SLC16A7: variants seen among roughly 807,000 people sequenced by gnomAD.
The protein encoded by SLC16A7 is solute carrier family 16 member 7, also known as monocarboxylate transporter 2.
In SLC16A7, 33 loss-of-function variants were observed where a neutral mutation model predicts 34.9. The ratio of observed to expected loss-of-function variants is 0.94; its 90% CI spans 0.72 to 1.26. The LOEUF (loss-of-function observed/expected upper bound fraction) is 1.26. Among genes scored for constraint, SLC16A7 ranks in the 50% most tolerant of loss-of-function variants. SLC16A7 has a pLI of 0.00. For missense variants in SLC16A7, 573 were observed against 578.1 expected (o/e 0.99, Z 0.09); for synonymous variants, 201 against 206.6 (o/e 0.97, Z 0.23).
intron 2 of SLC16A7, among the ~76,000 whole-genome samples, chr12:59,691,930 A>G (rs189838248): frequency 2.0e-5 from 3 of 152,138 alleles, no homozygotes; most frequent in African/African-American, 4.8e-5. Context: ...AATGGCTTTT[A>G]TAAATGAGTC....
chr12:59,609,243 T>C (rs918336399), intron 1 of SLC16A7, among the ~76,000 whole-genome samples: 1 of 152,200 alleles, frequency 6.6e-6, no homozygotes, highest in African/African-American at 2.4e-5. Flanking sequence ...GGGAATTCAA[T>C]AGGCTTGAAG....
At chr12:59,699,093 C>T (rs1230093479) in intron 2 of SLC16A7, among the ~76,000 whole-genome samples, 1 of 151,460 alleles carries the variant, frequency 6.6e-6, no homozygotes, top group Non-Finnish European at 1.5e-5. Flanking sequence ...TTTTTCTTTA[C>T]GTATTTTTTT....
chr12:59,612,328 G>A (rs941961558), intron 1 of SLC16A7, among the ~76,000 whole-genome samples: 2 of 152,174 alleles, frequency 1.3e-5, no homozygotes, highest in African/African-American at 4.8e-5. Context: ...GGCTTGAGCT[G>A]TAACTTGACC....
chr12:59,651,787 T>C (rs1456618214), intron 1 of SLC16A7, among the ~76,000 whole-genome samples: 1 of 152,152 alleles, frequency 6.6e-6, no homozygotes, highest in Non-Finnish European at 1.5e-5. Flanking sequence ...CACTCTAAGT[T>C]CTCCATTTAT....
At chr12:59,612,338 C>A (rs1485976827) in intron 1 of SLC16A7, among the ~76,000 whole-genome samples, 1 of 152,132 alleles carries the variant, frequency 6.6e-6, no homozygotes, top group Non-Finnish European at 1.5e-5. Flanking sequence ...GTAACTTGAC[C>A]CCTTTTAGCG....
chr12:59,696,029 T>C (rs1385156676), intron 2 of SLC16A7, among the ~76,000 whole-genome samples: 2 of 151,904 alleles, frequency 1.3e-5, no homozygotes, highest in Non-Finnish European at 1.5e-5. Flanking sequence ...TCAGTGGATA[T>C]TTAATTTATT....
rs1386262965 is a variant in SLC16A7, at chr12:59,774,899, C to G, written c.604C>G (p.Gln202Glu). The G allele has an allele frequency of 1.9e-6, 3 of 1,613,780 alleles. No homozygotes were observed. The highest frequency in any genetic ancestry group is 2.5e-6 in the Non-Finnish European group (3 of 1,179,922). Residue 202 changes from glutamine to glutamate, a missense_variant, in exon 5 of 6, where the codon CAA becomes GAA. Gln to Glu is a conservative substitution (Grantham distance 29, BLOSUM62 2). Coordinates refer to ENST00000547379, the MANE Select transcript of SLC16A7 (RefSeq NM_001270623.2). The stretch of plus-strand genomic sequence containing the variant: ...CCTCATGAGACCCCTTGGACCCAAT[C>G]AAACCACTTCTAAGTCTAAAAATAA... ...GSLMRPLGPN[Q>E]TTSKSKNKTG...
Position 59,745,600 on chromosome 12 carries a change from A to C in SLC16A7, c.218-25619A>C, listed in dbSNP as rs569047437. Among the ~76,000 whole-genome samples, 50 of 152,338 alleles carry C rather than the reference A, an allele frequency of 3.3e-4. 5 individuals carry two copies. The highest frequency in any genetic ancestry group is 1.1e-3 in the African/African-American group (47 of 41,596). ...TTCACATTCTACCTCAGGAGACAGAAGTATCAGAATCAAAGTAACATGCCA... is the reference window on the plus strand; with the variant it reads ...TTCACATTCTACCTCAGGAGACAGACGTATCAGAATCAAAGTAACATGCCA... On this transcript the variant is annotated intron_variant, in intron 3 of 5. Coordinates refer to ENST00000547379, the MANE Select transcript of SLC16A7 (RefSeq NM_001270623.2).
At chr12:59,665,468 T>G (rs1238999880) in intron 2 of SLC16A7, among the ~76,000 whole-genome samples, 2 of 152,000 alleles carry the variant, frequency 1.3e-5, no homozygotes, top group Non-Finnish European at 2.9e-5. Flanking sequence ...TTAATAGATT[T>G]TTATTATAGG....
chr12:59,779,927 G>A lies in SLC16A7; in HGVS notation c.*248G>A. 3.0e-6 allele frequency: 1 copy of A among 337,970 alleles called. No individual in the cohort carries two copies. The allele number at this position is 337,970 out of a possible 1,614,324, so 20.9% of individuals were successfully genotyped here. ...AGGTTTATTTCCATACCTGACTCTG[G>A]GTGTGGTGGTTAAAATACTAATTTT... On this transcript the variant is annotated 3_prime_UTR_variant, in exon 6 of 6. Transcript: ENST00000547379.
At chr12:59,680,546 T>A (rs1306745277) in intron 2 of SLC16A7, among the ~76,000 whole-genome samples, 2 of 152,176 alleles carry the variant, frequency 1.3e-5, no homozygotes. Flanking sequence ...ACTCTCTACT[T>A]GCAAACTTTT....
In SLC16A7 at chr12:59,671,678, C is replaced by CTA. The variant is rs368528646; in HGVS notation, c.-31+16440_-31+16441dup. 2.7e-3 allele frequency among the ~76,000 whole-genome samples: 388 copies of CTA among 143,908 alleles called. 5 individuals are homozygous for CTA. Among genetic ancestry groups the CTA allele is most frequent in the African/African-American group, 9.3e-3 (365 of 39,154 alleles). The allele number at this position is 143,908 out of a possible 152,430, so 94.4% of individuals were successfully genotyped here. ...GCTCTTTCTCTCTCTCTCTCTCTCT[C>CTA]TATATATATATATGTGTGTGTGTGT... On this transcript the variant is annotated intron_variant, in intron 2 of 5. Transcript: ENST00000547379.
intron 2 of SLC16A7, among the ~76,000 whole-genome samples, chr12:59,685,905 T>C (rs2137082578): frequency 6.6e-6 from 1 of 152,104 alleles, no homozygotes; most frequent in South Asian, 2.1e-4. Context: ...ATATACCAGA[T>C]TCTCTGAGGA....
chr12:59,780,509 A>G lies in SLC16A7; in HGVS notation c.*830A>G, dbSNP rs1883168258. On this transcript the variant is annotated 3_prime_UTR_variant, in exon 6 of 6. Transcript: ENST00000547379. ...TGGTGCTAGAGAATAGAACCCTCAA[A>G]TAATTTTTAGAATTCTTACCTAATA... 6.6e-6 allele frequency: 1 copy of G among 152,106 alleles called. No homozygotes were observed. The highest frequency in any genetic ancestry group is 2.1e-4 in the South Asian group (1 of 4,836). 9.4% of individuals were successfully genotyped at this position (152,106 alleles called of 1,614,324 possible).
chr12:59,632,600 G>T (rs893440882), intron 1 of SLC16A7, among the ~76,000 whole-genome samples: 10 of 151,996 alleles, frequency 6.6e-5, no homozygotes, highest in Non-Finnish European at 1.3e-4. Context: ...TCTGTGCCTT[G>T]CCCTAGTCCT....
chr12:59,636,863 G>T (rs149178302), intron 1 of SLC16A7, among the ~76,000 whole-genome samples: 26 of 152,162 alleles, frequency 1.7e-4, no homozygotes, highest in African/African-American at 5.8e-4. Context: ...TTGATATGTT[G>T]TTACTTTTCA....
chr12:59,720,077 A>C lies in SLC16A7; in HGVS notation c.217+15059A>C, dbSNP rs1795892. On this transcript the variant is annotated intron_variant, in intron 3 of 5. Transcript: ENST00000547379. Reference sequence around the variant, plus strand: ...CTATACCTTTCTTTTCTAATTCTTCAGGTTGGTATCATATGCAATAGCTGT... The same window carrying C: ...CTATACCTTTCTTTTCTAATTCTTCCGGTTGGTATCATATGCAATAGCTGT... 0.014 allele frequency: 10,046 copies of C among 699,470 alleles called. 688 individuals carry two copies. The African/African-American group carries it at 0.16, about 11-fold the overall frequency. 43.3% of individuals were successfully genotyped at this position (699,470 alleles called of 1,614,324 possible).
At chr12:59,740,304 C>G (rs1878151308) in intron 3 of SLC16A7, among the ~76,000 whole-genome samples, 1 of 152,010 alleles carries the variant, frequency 6.6e-6, no homozygotes, top group African/African-American at 2.4e-5. Context: ...AATAGGGAAT[C>G]CTTTCCCCAT....
chr12:59,663,265 C>A (rs1868954147), intron 2 of SLC16A7, among the ~76,000 whole-genome samples: 1 of 151,510 alleles, frequency 6.6e-6, no homozygotes, highest in African/African-American at 2.4e-5. Context: ...CATATGGGAG[C>A]CTTTTAAAAT....
Sources: allele counts gnomAD v4.1 joint callset (sites outside exome capture counted in the v4.1 genomes callset), GRCh38; gene constraint gnomAD v4.1.1; transcripts MANE v1.5; gene names NCBI Gene and HGNC (gene_info 2026-07-23, HGNC 2026-07-21).